The following AUH variants were observed in gnomAD, a reference collection of about 807,000 sequenced individuals.
AUH encodes the protein AU RNA binding methylglutaconyl-CoA hydratase.
In AUH, 29 loss-of-function variants were observed where a neutral mutation model predicts 42.3. That is an observed-to-expected ratio of 0.69 (90% CI 0.51 to 0.93). AUH has a LOEUF of 0.93. AUH is among the 40% of genes least tolerant of loss of function. The pLI, the probability that AUH is intolerant of heterozygous loss-of-function variation, is 0.00. For synonymous variants in AUH, 174 were observed against 166.4 expected (o/e 1.05, Z -0.35); for missense variants, 452 against 438.1 (o/e 1.03, Z -0.28).
At chr9:91,306,967 C>CA (rs1435599741) in intron 4 of AUH, among the ~76,000 whole-genome samples, 1 of 151,558 alleles carries the variant, frequency 6.6e-6, no homozygotes, top group South Asian at 2.1e-4. Flanking sequence ...AACTATTGAT[C>CA]AAAAAAAAGC....
chr9:91,314,715 C>T (rs1381141153), intron 4 of AUH, among the ~76,000 whole-genome samples: 1 of 151,950 alleles, frequency 6.6e-6, no homozygotes, highest in Non-Finnish European at 1.5e-5. Flanking sequence ...CCTCAATAGC[C>T]GCCATTAGGC....
intron 6 of AUH, among the ~76,000 whole-genome samples, chr9:91,231,117 G>A (rs1267549071): frequency 7.2e-5 from 11 of 152,220 alleles, no homozygotes; most frequent in Non-Finnish European, 1.6e-4. Context: ...ACCTAAGCAA[G>A]CCTGGGCAAT....
chr9:91,249,326 A>T (rs1013789369), intron 6 of AUH, among the ~76,000 whole-genome samples: 7 of 148,092 alleles, frequency 4.7e-5, no homozygotes, highest in Admixed American at 4.7e-4. Context: ...AAAAAAAAGA[A>T]CACAATATTT....
At chr9:91,289,786 G>A (rs1826709545) in intron 6 of AUH, among the ~76,000 whole-genome samples, 2 of 152,260 alleles carry the variant, frequency 1.3e-5, no homozygotes, top group South Asian at 4.1e-4. Context: ...TCTGTGGATG[G>A]AGCAGAAGAA....
chr9:91,289,341 A>G (rs572696500), intron 6 of AUH, among the ~76,000 whole-genome samples: 4 of 152,278 alleles, frequency 2.6e-5, no homozygotes, highest in Admixed American at 2.6e-4. Flanking sequence ...CCATATTTGA[A>G]TTCTCCCCAC....
At chr9:91,309,513 GC>G (rs1828534093) in intron 4 of AUH, among the ~76,000 whole-genome samples, 1 of 152,112 alleles carries the variant, frequency 6.6e-6, no homozygotes, top group Non-Finnish European at 1.5e-5. Context: ...GTCTTTTGCT[GC>G]CCCATGGAGC....
At chr9:91,348,701 C>G (rs1474550644) in intron 3 of AUH, among the ~76,000 whole-genome samples, 1 of 152,082 alleles carries the variant, frequency 6.6e-6, no homozygotes, top group Non-Finnish European at 1.5e-5. Flanking sequence ...ACAGAAGATG[C>G]TAAACTAGGA....
intron 4 of AUH, among the ~76,000 whole-genome samples, chr9:91,315,009 C>T (rs1208945302): frequency 2.0e-5 from 3 of 152,192 alleles, no homozygotes; most frequent in East Asian, 1.9e-4. Flanking sequence ...CTGCAACTTC[C>T]GCCTCCCAGG....
chr9:91,240,218 T>C (rs571677241), intron 6 of AUH, among the ~76,000 whole-genome samples: 1 of 152,368 alleles, frequency 6.6e-6, no homozygotes, highest in Admixed American at 6.5e-5. Context: ...TCAAAATCTT[T>C]TATTTAAAGA....
chr9:91,282,422 C>A (rs1297020685), intron 6 of AUH, among the ~76,000 whole-genome samples: 2 of 152,032 alleles, frequency 1.3e-5, no homozygotes, highest in African/African-American at 4.8e-5. Flanking sequence ...TAGAAGGTAA[C>A]TGCTTGGTGG....
chr9:91,318,968 TTTTGG>T (rs1398585078), intron 4 of AUH, among the ~76,000 whole-genome samples: 1 of 152,258 alleles, frequency 6.6e-6, no homozygotes, highest in African/African-American at 2.4e-5. Context: ...TTGGACCCTC[TTTTGG>T]TTACATGACT....
At chr9:91,227,912 C>T (rs1224759125) in intron 6 of AUH, among the ~76,000 whole-genome samples, 2 of 151,790 alleles carry the variant, frequency 1.3e-5, no homozygotes, top group East Asian at 3.9e-4. Flanking sequence ...CCCACTTGAT[C>T]ATGGTGGATA....
intron 1 of AUH, chr9:91,360,448 A>C (rs539569334): frequency 3.3e-5 from 5 of 152,210 alleles, no homozygotes; most frequent in African/African-American, 1.2e-4. Flanking sequence ...TGTCTGGAAT[A>C]ATAAGTAAGG....
chr9:91,330,339 A>C (rs1830238526), intron 3 of AUH, among the ~76,000 whole-genome samples: 1 of 152,228 alleles, frequency 6.6e-6, no homozygotes, highest in African/African-American at 2.4e-5. Context: ...AACACATTAC[A>C]TTCATGTGTT....
intron 4 of AUH, among the ~76,000 whole-genome samples, chr9:91,311,504 A>G (rs1374965047): frequency 6.6e-6 from 1 of 152,250 alleles, no homozygotes; most frequent in African/African-American, 2.4e-5. Flanking sequence ...CCTATTTTAA[A>G]TATTTCTTTA....
At chr9:91,223,276 C>T (rs1019502189) in intron 6 of AUH, among the ~76,000 whole-genome samples, 4 of 152,110 alleles carry the variant, frequency 2.6e-5, no homozygotes, top group African/African-American at 9.7e-5. Flanking sequence ...TGGATGACAT[C>T]ACAAGCCATC....
intron 3 of AUH, among the ~76,000 whole-genome samples, chr9:91,352,428 T>C (rs907616504): frequency 6.6e-6 from 1 of 152,002 alleles, no homozygotes; most frequent in African/African-American, 2.4e-5. Flanking sequence ...AATAATTATT[T>C]ATATTAGGGG....
At chr9:91,218,925 T>C in intron 7 of AUH, 1 of 985,346 alleles carries the variant, frequency 1.0e-6, no homozygotes, top group South Asian at 4.7e-5. Context: ...CTCAACATCT[T>C]CTTATACATC....
intron 6 of AUH, among the ~76,000 whole-genome samples, chr9:91,254,526 T>C (rs979499074): frequency 6.6e-6 from 1 of 152,202 alleles, no homozygotes; most frequent in African/African-American, 2.4e-5. Flanking sequence ...GAGGATAGAA[T>C]TCCAGAGTTT....
Sources: allele counts gnomAD v4.1 joint callset (sites outside exome capture counted in the v4.1 genomes callset), GRCh38; gene constraint gnomAD v4.1.1; transcripts MANE v1.5; gene names NCBI Gene and HGNC (gene_info 2026-07-23, HGNC 2026-07-21).